The following SMAD4 variants were observed in gnomAD, a reference collection of about 807,000 sequenced individuals.
The protein encoded by SMAD4 is SMAD family member 4.
SMAD4 carries 7 observed loss-of-function variants against 63.2 expected under a neutral mutation model. That is an observed-to-expected ratio of 0.11 (90% CI 0.06 to 0.21). The LOEUF (loss-of-function observed/expected upper bound fraction) is 0.21. Among genes scored for constraint, SMAD4 ranks in the 10% least tolerant of loss-of-function variants. The pLI is 1.00. For synonymous variants in SMAD4, 215 were observed against 235.4 expected (o/e 0.91, Z 0.79); for missense variants, 312 against 693.8 (o/e 0.45, Z 6.18).
intron 8 of SMAD4, among the ~76,000 whole-genome samples, chr18:51,062,091 A>G (rs1476075289): frequency 1.3e-5 from 2 of 152,218 alleles, no homozygotes; most frequent in Non-Finnish European, 2.9e-5. Flanking sequence ...TTAAGAGGCA[A>G]ATACTTGTTC....
intron 1 of SMAD4, among the ~76,000 whole-genome samples, chr18:51,046,061 A>G (rs1909534052): frequency 1.3e-5 from 2 of 152,166 alleles, no homozygotes; most frequent in African/African-American, 4.8e-5. Flanking sequence ...ATTATGAACA[A>G]CGCTGCTATG....
chr18:51,073,384 TATATACACACACAC>T (rs1232094756), intron 10 of SMAD4, among the ~76,000 whole-genome samples: 9 of 85,746 alleles, frequency 1.0e-4, no homozygotes, highest in Non-Finnish European at 2.1e-4. Context: ...TATATATATA[TATATACACACACAC>T]ACACACACAC....
Position 51,081,301 on chromosome 18 carries a change from G to T in SMAD4, c.*2834G>T, listed in dbSNP as rs1269308759. On this transcript the variant is annotated 3_prime_UTR_variant, in exon 12 of 12. Transcript: ENST00000342988. ...GAGAGATGAGCCATGTACACCCACC[G>T]TAAGACCTCATTCCATGTTTGTCCA... is the stretch of plus-strand genomic sequence containing the variant. 1 of 227,570 alleles carries T rather than the reference G, an allele frequency of 4.4e-6. No homozygotes were observed. Among genetic ancestry groups the T allele is most frequent in the Admixed American group, 5.7e-5 (1 of 17,588 alleles). The allele number at this position is 227,570 out of a possible 1,614,324, so 14.1% of individuals were successfully genotyped here.
At position 51,084,996 on chromosome 18, in the gene SMAD4, A is replaced by G. The variant is rs1910714279; in HGVS notation, c.*6529A>G. On this transcript the variant is annotated 3_prime_UTR_variant, in exon 12 of 12. Coordinates refer to ENST00000342988, the MANE Select transcript of SMAD4 (RefSeq NM_005359.6). ...AAAAATAGTCGAACCTTTCTTGAGA[A>G]CTCTGTAACAAAGTATGTTTTTGAT... The G allele has an allele frequency of 4.9e-6, 1 of 205,328 alleles. No individual in the cohort carries two copies. The highest frequency in any genetic ancestry group is 1.0e-5 in the Non-Finnish European group (1 of 100,490). The allele number at this position is 205,328 out of a possible 1,614,324, so 12.7% of individuals were successfully genotyped here. A position where few individuals can be genotyped will look rare whatever the true frequency, so the allele number is the denominator to read the frequency against.
chr18:51,073,783 G>A (rs1028799737), intron 10 of SMAD4, among the ~76,000 whole-genome samples: 2 of 151,764 alleles, frequency 1.3e-5, no homozygotes, highest in East Asian at 1.9e-4. Flanking sequence ...CTCCTGCCTC[G>A]GCCTCCCAAA....
chr18:51,072,435 A>G (rs537386702), intron 10 of SMAD4, among the ~76,000 whole-genome samples: 1 of 152,318 alleles, frequency 6.6e-6, no homozygotes, highest in South Asian at 2.1e-4. Flanking sequence ...GTCAGAGGGT[A>G]TTATGAACCT....
chr18:51,070,640 A>T (rs1056198903), intron 10 of SMAD4, among the ~76,000 whole-genome samples: 12 of 152,174 alleles, frequency 7.9e-5, no homozygotes, highest in Admixed American at 6.5e-4. Flanking sequence ...TAAATGAAAA[A>T]TTCCAGAAAC....
intron 10 of SMAD4, among the ~76,000 whole-genome samples, chr18:51,071,133 G>A (rs1910305027): frequency 6.6e-6 from 1 of 152,058 alleles, no homozygotes; most frequent in Non-Finnish European, 1.5e-5. Context: ...TTTTTGGGTA[G>A]CAGTAACTAA....
intron 1 of SMAD4, among the ~76,000 whole-genome samples, chr18:51,041,665 G>T (rs1490773789): frequency 1.3e-5 from 2 of 152,160 alleles, no homozygotes; most frequent in African/African-American, 4.8e-5. Context: ...AGCAGAAGTG[G>T]TAGCCTTTAA....
chr18:51,068,043 G>T (rs904659790), intron 10 of SMAD4, among the ~76,000 whole-genome samples: 1 of 152,124 alleles, frequency 6.6e-6, no homozygotes, highest in Non-Finnish European at 1.5e-5. Flanking sequence ...CATTGTCAGT[G>T]ATTGTAAATT....
rs758642067 is a variant in SMAD4 at position 51,058,157 on chromosome 18, A to C, written c.700A>C (p.Ser234Arg). ...TGCCAGTATACTGGGGGGCAGCCAT[A>C]GTGAAGGACTGTTGCAGATAGCATC... Reference protein sequence around the residue: ...QPASILGGSHSEGLLQIASGP... With the variant: ...QPASILGGSHREGLLQIASGP... Residue 234 changes from serine to arginine, a missense_variant, in exon 6 of 12, where the codon AGT becomes CGT. Ser to Arg is a moderately radical substitution (Grantham distance 110). This residue lies in a region of SMAD4 where 169 missense variants were observed against 211.0 expected (regional missense o/e 0.80). Coordinates refer to ENST00000342988, the MANE Select transcript of SMAD4 (RefSeq NM_005359.6). 3 of 1,614,190 alleles carry C rather than the reference A, an allele frequency of 1.9e-6. No homozygotes were observed. The East Asian group carries it at 6.7e-5, about 36-fold the overall frequency.
intron 1 of SMAD4, among the ~76,000 whole-genome samples, chr18:51,042,707 G>A (rs563143174): frequency 3.4e-4 from 52 of 151,604 alleles, no homozygotes; most frequent in African/African-American, 1.2e-3. Flanking sequence ...TGGTTGTTTT[G>A]TTTTTTATTT....
At position 51,078,747 on chromosome 18, in the gene SMAD4, T is replaced by G. The variant is rs1235848077; in HGVS notation, c.*280T>G. On this transcript the variant is annotated 3_prime_UTR_variant, in exon 12 of 12. Coordinates refer to ENST00000342988, the MANE Select transcript of SMAD4 (RefSeq NM_005359.6). The stretch of plus-strand genomic sequence containing the variant: ...GTTATGTATGAAGGAATCATTCCAG[T>G]GCTAGAAAATTTAGCCCTTTAAAAC... The G allele has an allele frequency of 9.6e-6, 4 of 414,838 alleles. No homozygotes were observed. Among genetic ancestry groups the G allele is most frequent in the Non-Finnish European group, 1.3e-5 (3 of 230,748 alleles). 25.7% of individuals were successfully genotyped at this position (414,838 alleles called of 1,614,324 possible).
At chr18:51,072,537 G>T (rs73960361) in intron 10 of SMAD4, among the ~76,000 whole-genome samples, 14 of 152,166 alleles carry the variant, frequency 9.2e-5, no homozygotes, top group African/African-American at 2.9e-4. Context: ...TTATGTTCAG[G>T]TGCATTTTTC....
chr18:51,072,312 G>A (rs1030215252), intron 10 of SMAD4, among the ~76,000 whole-genome samples: 1 of 152,092 alleles, frequency 6.6e-6, no homozygotes, highest in Non-Finnish European at 1.5e-5. Context: ...TAATCTTATT[G>A]TGGTAGTTTT....
chr18:51,072,194 C>T (rs1015752596), intron 10 of SMAD4, among the ~76,000 whole-genome samples: 2 of 152,196 alleles, frequency 1.3e-5, no homozygotes, highest in African/African-American at 4.8e-5. Flanking sequence ...ATGGCTGCAC[C>T]ACTTTACATT....
chr18:51,032,841 A>G (rs772433628), intron 1 of SMAD4, among the ~76,000 whole-genome samples: 9 of 152,074 alleles, frequency 5.9e-5, no homozygotes, highest in African/African-American at 1.2e-4. Flanking sequence ...ATTTTTGCCT[A>G]TTTTGGTGAA....
Position 51,081,807 on chromosome 18 carries a change from C to CT in SMAD4, c.*3343dup, listed in dbSNP as rs1690211338. On this transcript the variant is annotated 3_prime_UTR_variant, in exon 12 of 12. Coordinates refer to ENST00000342988, the MANE Select transcript of SMAD4 (RefSeq NM_005359.6). Reference sequence around the variant, plus strand: ...TTGTAGGAAGGTGAGTTGCAGGTATCTTTGACTATGGTCATCTGGGGAAGG... The same window carrying CT: ...TTGTAGGAAGGTGAGTTGCAGGTATCTTTTGACTATGGTCATCTGGGGAAGG... 8.6e-6 allele frequency: 2 copies of CT among 232,320 alleles called. No individual in the cohort carries two copies. Among genetic ancestry groups the CT allele is most frequent in the South Asian group, 3.6e-4 (2 of 5,530 alleles). 14.4% of individuals were successfully genotyped at this position (232,320 alleles called of 1,614,324 possible).
intron 1 of SMAD4, among the ~76,000 whole-genome samples, chr18:51,038,601 CAT>C (rs1440841587): frequency 6.6e-6 from 1 of 152,178 alleles, no homozygotes; most frequent in African/African-American, 2.4e-5. Context: ...AACAAAACAA[CAT>C]ATCATAGCAG....
Sources: gnomAD v4.1 joint callset for allele counts (sites outside exome capture counted in the v4.1 genomes callset) on GRCh38, gnomAD v4.1.1 for gene constraint, gnomAD v4.1.1 regional missense constraint, MANE v1.5 for transcripts, NCBI Gene and HGNC (gene_info 2026-07-23, HGNC 2026-07-21) for gene names.